Variants in EPB41L3 observed in about 807,000 individuals in gnomAD.
EPB41L3 encodes the protein erythrocyte membrane protein band 4.1 like 3, also known as band 4.1-like protein 3.
In EPB41L3, 57 loss-of-function variants were observed where a neutral mutation model predicts 127.1. The observed-to-expected ratio is 0.45, with a 90% CI of 0.36 to 0.56. The LOEUF (loss-of-function observed/expected upper bound fraction) is 0.56, where lower values mean the gene tolerates loss of function less well. Among genes scored for constraint, EPB41L3 ranks in the 20% least tolerant of loss-of-function variants. The pLI, the probability that EPB41L3 is intolerant of heterozygous loss-of-function variation, is 0.00. For missense variants in EPB41L3, 1,273 were observed against 1,372.2 expected (o/e 0.93, Z 1.14); for synonymous variants, 572 against 549.5 (o/e 1.04, Z -0.57).
intron 10 of EPB41L3, among the ~76,000 whole-genome samples, chr18:5,424,050 G>T (rs1366093637): frequency 6.6e-6 from 1 of 152,012 alleles, no homozygotes; most frequent in Non-Finnish European, 1.5e-5. Flanking sequence ...AAAGAAGGGG[G>T]GTTTGGGACA....
intron 2 of EPB41L3, among the ~76,000 whole-genome samples, chr18:5,478,929 T>C (rs951985032): frequency 6.6e-6 from 1 of 152,244 alleles, no homozygotes; most frequent in Admixed American, 6.5e-5. Context: ...TTTCAGTACT[T>C]TTACAACTGT....
intron 1 of EPB41L3, among the ~76,000 whole-genome samples, chr18:5,518,938 C>A (rs1169897409): frequency 6.6e-6 from 1 of 152,152 alleles, no homozygotes; most frequent in Non-Finnish European, 1.5e-5. Context: ...CAGGAGTAAA[C>A]AGGAGCTCAC....
rs932167721 is a variant in EPB41L3, at chr18:5,397,912, G to A, written c.2472+109C>T. On this transcript the variant is annotated intron_variant, in intron 17 of 22. Transcript: ENST00000341928. The surrounding 1 kb of genome is among the most constrained non-coding windows in gnomAD (Gnocchi z 4.1). ...CAATAAGTGAAGACACCTTTGAGATGTTGAAGGCAAAGCCAGCTGGATGCA... is the reference window on the plus strand; with the variant it reads ...CAATAAGTGAAGACACCTTTGAGATATTGAAGGCAAAGCCAGCTGGATGCA... 3.8e-5 allele frequency: 51 copies of A among 1,330,544 alleles called. No individual in the cohort carries two copies. The African/African-American group carries it at 7.2e-4, about 19-fold the overall frequency. 82.4% of individuals were successfully genotyped at this position (1,330,544 alleles called of 1,614,324 possible).
chr18:5,458,056 C>G (rs923916755), intron 3 of EPB41L3, among the ~76,000 whole-genome samples: 1 of 152,106 alleles, frequency 6.6e-6, no homozygotes, highest in Non-Finnish European at 1.5e-5. Flanking sequence ...CAAAGAAAAT[C>G]AAGCTAAATA....
chr18:5,465,202 G>A (rs866268429), intron 3 of EPB41L3, among the ~76,000 whole-genome samples: 3 of 152,176 alleles, frequency 2.0e-5, no homozygotes, highest in Non-Finnish European at 4.4e-5. Flanking sequence ...CAGTTTCTAG[G>A]TAGGTGGGTT....
chr18:5,421,139 A>C (rs56262724), intron 11 of EPB41L3, among the ~76,000 whole-genome samples: 17,585 of 152,106 alleles, frequency 0.12, 1,347 homozygotes, highest in Non-Finnish European at 0.17. Flanking sequence ...TACTAACATC[A>C]CTTTTGGGCA....
chr18:5,407,249 TA>T, intron 15 of EPB41L3: 2 of 432,692 alleles, frequency 4.6e-6, no homozygotes, highest in East Asian at 8.0e-5. Context: ...CTGAGAGAAT[TA>T]AAATAAATAT....
At chr18:5,460,661 T>C (rs2083839853) in intron 3 of EPB41L3, among the ~76,000 whole-genome samples, 1 of 152,202 alleles carries the variant, frequency 6.6e-6, no homozygotes, top group African/African-American at 2.4e-5. Flanking sequence ...GTCCACTCCT[T>C]GAATAAGCTA....
chr18:5,595,133 T>C (rs1291734091), intron 3 of EPB41L3, among the ~76,000 whole-genome samples: 4 of 152,188 alleles, frequency 2.6e-5, no homozygotes, highest in African/African-American at 7.2e-5. Context: ...GGCAAATGGT[T>C]ATAACTTGCT....
intron 2 of EPB41L3, among the ~76,000 whole-genome samples, chr18:5,488,110 T>A (rs1297090639): frequency 3.9e-5 from 6 of 152,168 alleles, no homozygotes; most frequent in African/African-American, 1.4e-4. Flanking sequence ...ACTTTAAAAC[T>A]TTTAAAAGTA....
At chr18:5,593,990 T>C (rs1255747379) in intron 3 of EPB41L3, among the ~76,000 whole-genome samples, 2 of 152,300 alleles carry the variant, frequency 1.3e-5, no homozygotes, top group East Asian at 3.9e-4. Context: ...CAAACACACA[T>C]GCTCTACAAT....
At position 5,473,555 on chromosome 18, in the gene EPB41L3, C is replaced by T. The variant is rs992742481; in HGVS notation, c.381+4686G>A. Among the ~76,000 whole-genome samples, 9 of 150,982 alleles carry T rather than the reference C, an allele frequency of 6.0e-5. No individual in the cohort carries two copies. The South Asian group carries it at 1.1e-3, about 18-fold the overall frequency. ...AAATAGAGAAAGCAAAGTCCTAATT[C>T]GATAGTCACTACGAATACACTGTAC... On this transcript the variant is annotated intron_variant, in intron 3 of 22. Coordinates refer to ENST00000341928, the MANE Select transcript of EPB41L3 (RefSeq NM_012307.5).
chr18:5,517,477 C>T (rs903584237), intron 1 of EPB41L3, among the ~76,000 whole-genome samples: 23 of 152,034 alleles, frequency 1.5e-4, no homozygotes, highest in African/African-American at 5.6e-4. Flanking sequence ...CACTCTGTTA[C>T]CCAGGCTGGA....
chr18:5,404,239 T>C lies in EPB41L3; in HGVS notation c.2349+2538A>G, dbSNP rs190499824. On this transcript the variant is annotated intron_variant, in intron 16 of 22. Coordinates refer to ENST00000341928, the MANE Select transcript of EPB41L3 (RefSeq NM_012307.5). The stretch of plus-strand genomic sequence containing the variant: ...GAGATGCTTTTCAGGGCTCCTTTGA[T>C]AAGCAGGGTTAATCAGCCCTGTTTC... 2.6e-3 allele frequency among the ~76,000 whole-genome samples: 403 copies of C among 152,306 alleles called. 1 individual carries two copies. Among genetic ancestry groups the C allele is most frequent in the Admixed American group, 5.4e-3 (83 of 15,296 alleles).
At chr18:5,432,330 C>T (rs560141078) in intron 8 of EPB41L3, among the ~76,000 whole-genome samples, 225 of 152,270 alleles carry the variant, frequency 1.5e-3, no homozygotes, top group African/African-American at 5.1e-3. Flanking sequence ...TTAAGACACT[C>T]GTTGGCCTGG....
intron 2 of EPB41L3, among the ~76,000 whole-genome samples, chr18:5,485,609 A>C (rs1452431396): frequency 6.6e-6 from 1 of 152,076 alleles, no homozygotes; most frequent in Non-Finnish European, 1.5e-5. Context: ...AGACTCCACC[A>C]AAAAACTGTG....
intron 3 of EPB41L3, among the ~76,000 whole-genome samples, chr18:5,552,559 G>A (rs956116516): frequency 6.6e-6 from 1 of 152,164 alleles, no homozygotes; most frequent in Non-Finnish European, 1.5e-5. Context: ...ATAACCTGAC[G>A]TTTTATGAAT....
intron 1 of EPB41L3, among the ~76,000 whole-genome samples, chr18:5,616,815 C>T (rs1389963668): frequency 1.3e-5 from 2 of 152,100 alleles, no homozygotes; most frequent in Non-Finnish European, 2.9e-5. Flanking sequence ...TGGTTGATAG[C>T]TATGGTTCAT....
In EPB41L3 at chr18:5,404,310, A is replaced by T. The variant is rs553265503; in HGVS notation, c.2349+2467T>A. 4.6e-5 allele frequency among the ~76,000 whole-genome samples: 7 copies of T among 152,294 alleles called. No individual in the cohort carries two copies. In the South Asian group the frequency reaches 1.4e-3, roughly 32 times the overall value. On this transcript the variant is annotated intron_variant, in intron 16 of 22. Transcript: ENST00000341928. The stretch of plus-strand genomic sequence containing the variant: ...GTCAAGCTCTTTCTGCTATGTCTCC[A>T]TTCACAGTGTGACGGAGCACTGAGG...
Sources: allele counts gnomAD v4.1 joint callset (sites outside exome capture counted in the v4.1 genomes callset), GRCh38; gene constraint gnomAD v4.1.1; non-coding constraint Gnocchi (gnomAD v3.1); transcripts MANE v1.5; gene names NCBI Gene and HGNC (gene_info 2026-07-23, HGNC 2026-07-21).